SUGCT: variants seen among roughly 807,000 people sequenced by gnomAD.
SUGCT encodes succinyl-CoA:glutarate-CoA transferase.
SUGCT carries 41 observed loss-of-function variants against 55.0 expected under a neutral mutation model. The observed-to-expected ratio is 0.74, with a 90% CI of 0.58 to 0.97. SUGCT has a LOEUF of 0.97. Ranked by LOEUF, SUGCT falls within the 50% of genes least tolerant of loss-of-function variation. The pLI is 0.00. For missense variants in SUGCT, 568 were observed against 547.8 expected (o/e 1.04, Z -0.37); for synonymous variants, 187 against 200.4 (o/e 0.93, Z 0.56).
At chr7:40,274,297 A>G (rs566795797) in intron 7 of SUGCT, among the ~76,000 whole-genome samples, 1 of 152,152 alleles carries the variant, frequency 6.6e-6, no homozygotes, top group East Asian at 1.9e-4. Flanking sequence ...CATTGGGGAG[A>G]GAAATGCACT....
chr7:40,805,754 A>C (rs1286144723), intron 13 of SUGCT, among the ~76,000 whole-genome samples: 1 of 152,218 alleles, frequency 6.6e-6, no homozygotes, highest in Non-Finnish European at 1.5e-5. Context: ...TATGACAAAG[A>C]CATTGAGATT....
intron 13 of SUGCT, among the ~76,000 whole-genome samples, chr7:40,806,560 C>T (rs952089600): frequency 6.6e-6 from 1 of 152,004 alleles, no homozygotes; most frequent in Non-Finnish European, 1.5e-5. Context: ...GTCTTATACC[C>T]ATCCTTGGTT....
intron 9 of SUGCT, among the ~76,000 whole-genome samples, chr7:40,356,824 C>A (rs538089501): frequency 2.1e-4 from 32 of 152,286 alleles, no homozygotes; most frequent in African/African-American, 6.3e-4. Context: ...AGTACTGACT[C>A]CTTGAAAGAA....
chr7:40,393,780 A>C (rs1785572292), intron 9 of SUGCT, among the ~76,000 whole-genome samples: 1 of 152,232 alleles, frequency 6.6e-6, no homozygotes, highest in African/African-American at 2.4e-5. Context: ...TTGTACTTTT[A>C]GAGCATGTGT....
intron 9 of SUGCT, among the ~76,000 whole-genome samples, chr7:40,346,039 G>A (rs1472581587): frequency 4.0e-5 from 6 of 151,638 alleles, no homozygotes; most frequent in African/African-American, 1.5e-4. Flanking sequence ...TTAAACTCTG[G>A]TTTTCATGTT....
At chr7:40,233,919 T>G (rs1202016929) in intron 6 of SUGCT, among the ~76,000 whole-genome samples, 1 of 152,202 alleles carries the variant, frequency 6.6e-6, no homozygotes, top group African/African-American at 2.4e-5. Flanking sequence ...ATAATTTGAA[T>G]CCAGATTTTT....
At position 40,153,773 on chromosome 7, in the gene SUGCT, A is replaced by G. The variant is rs1272765397; in HGVS notation, c.100+18653A>G. On this transcript the variant is annotated intron_variant, in intron 1 of 13. Transcript: ENST00000335693. ...TTATTGACCAAGAGCCAAATTAAAGAAGGCTAACCATCCTTGCCCATAGAT... is the reference window on the plus strand; with the variant it reads ...TTATTGACCAAGAGCCAAATTAAAGGAGGCTAACCATCCTTGCCCATAGAT... 1.7e-5 allele frequency: 7 copies of G among 417,296 alleles called. No homozygotes were observed. In the East Asian group the frequency reaches 4.6e-4, roughly 28 times the overall value. The allele number at this position is 417,296 out of a possible 1,614,324, so 25.8% of individuals were successfully genotyped here.
the SUGCT span, among the ~76,000 whole-genome samples, chr7:40,948,612 A>AC: frequency 1.6e-5 from 2 of 121,778 alleles, no homozygotes; most frequent in African/African-American, 3.1e-5. Context: ...CCTTTCCCCC[A>AC]CCCGCCGACA....
chr7:40,665,808 G>A (rs940161592), intron 12 of SUGCT, among the ~76,000 whole-genome samples: 2 of 152,090 alleles, frequency 1.3e-5, no homozygotes, highest in African/African-American at 2.4e-5. Context: ...GGATGTGACA[G>A]CAAGGTTCTT....
At chr7:40,885,138 C>T in the SUGCT span, among the ~76,000 whole-genome samples, 223 of 151,980 alleles carry the variant, frequency 1.5e-3, 1 homozygote, top group African/African-American at 4.9e-3. Context: ...GAATAGTGGC[C>T]GAGGTTATGG....
chr7:40,791,778 T>C (rs1372633071), intron 13 of SUGCT, among the ~76,000 whole-genome samples: 1 of 152,194 alleles, frequency 6.6e-6, no homozygotes, highest in African/African-American at 2.4e-5. Context: ...AATCCAAAAA[T>C]GTACTGAAGC....
At chr7:40,194,874 G>A (rs752868814) in intron 5 of SUGCT, 66 bp from the exon 6 acceptor site, 1 of 1,533,590 alleles carries the variant, frequency 6.5e-7, no homozygotes, top group Non-Finnish European at 8.8e-7. Context: ...ATTGTGTAAA[G>A]TTAAAATTCT....
the SUGCT span, among the ~76,000 whole-genome samples, chr7:41,012,341 A>G: frequency 8.3e-3 from 1,264 of 152,274 alleles, 13 homozygotes; most frequent in African/African-American, 0.027. Flanking sequence ...GTGAACTATA[A>G]TGGCTAAACG....
rs185088251 is a variant in SUGCT, at chr7:40,260,533, T to C, written c.577-13980T>C. Among the ~76,000 whole-genome samples, 851 of 152,334 alleles carry C rather than the reference T, an allele frequency of 5.6e-3. 9 individuals carry two copies. Among genetic ancestry groups the C allele is most frequent in the Non-Finnish European group, 5.7e-3 (386 of 68,032 alleles). On this transcript the variant is annotated intron_variant, in intron 7 of 13. Transcript: ENST00000335693. ...GAGCCTTTCTTATTAGGTAAAACCTTGTACTCAGATAATTTGAACTGGGAA... is the reference window on the plus strand; with the variant it reads ...GAGCCTTTCTTATTAGGTAAAACCTCGTACTCAGATAATTTGAACTGGGAA...
intron 9 of SUGCT, among the ~76,000 whole-genome samples, chr7:40,440,145 G>GTGTTTTTTTT (rs1788427933): frequency 1.5e-5 from 1 of 68,438 alleles, no homozygotes; most frequent in African/African-American, 6.7e-5. Context: ...GTGTGTGTGT[G>GTGTTTTTTTT]TTTTTTTTTT....
intron 6 of SUGCT, among the ~76,000 whole-genome samples, chr7:40,236,856 G>T (rs555249406): frequency 6.6e-6 from 1 of 151,888 alleles, no homozygotes; most frequent in Non-Finnish European, 1.5e-5. Context: ...TTGTTTTAAA[G>T]GGAGTCTCCC....
At position 40,709,741 on chromosome 7, in the gene SUGCT, G is replaced by A. The variant is rs143112284; in HGVS notation, c.1090-39693G>A. On this transcript the variant is annotated intron_variant, in intron 12 of 13. Coordinates refer to ENST00000335693, the MANE Select transcript of SUGCT (RefSeq NM_001193313.2). ...AGCCTCTACTACAGATGGTTTCTCCGTAGTGGTTACTCACTATAGGTGATA... is the reference window on the plus strand; with the variant it reads ...AGCCTCTACTACAGATGGTTTCTCCATAGTGGTTACTCACTATAGGTGATA... Among the ~76,000 whole-genome samples the A allele has an allele frequency of 4.1e-4, 63 of 152,268 alleles. 1 individual carries two copies. In the East Asian group the frequency reaches 4.6e-3, roughly 11 times the overall value.
chr7:41,003,840 A>C, the SUGCT span, among the ~76,000 whole-genome samples: 1 of 152,204 alleles, frequency 6.6e-6, no homozygotes, highest in Admixed American at 6.5e-5. Context: ...GAAACAGAAA[A>C]GCATGCTTTT....
intron 12 of SUGCT, among the ~76,000 whole-genome samples, chr7:40,645,112 C>T (rs1353501286): frequency 6.6e-6 from 1 of 152,190 alleles, no homozygotes; most frequent in Non-Finnish European, 1.5e-5. Flanking sequence ...GCTCCTTTTC[C>T]TTTGTTAGTC....
Sources: gnomAD v4.1 joint callset for allele counts (sites outside exome capture counted in the v4.1 genomes callset) on GRCh38, gnomAD v4.1.1 for gene constraint, MANE v1.5 for transcripts, NCBI Gene and HGNC (gene_info 2026-07-23, HGNC 2026-07-21) for gene names.